The following WDR90 variants were observed in gnomAD, a reference collection of about 807,000 sequenced individuals.
WDR90 encodes the protein WD repeat-containing protein 90.
A neutral mutation model predicts 195.2 loss-of-function variants in WDR90; 238 were observed. The ratio of observed to expected loss-of-function variants is 1.22; its 90% CI spans 1.10 to 1.36. The LOEUF (loss-of-function observed/expected upper bound fraction) is 1.36, where lower values mean the gene tolerates loss of function less well. Among genes scored for constraint, WDR90 ranks in the 40% most tolerant of loss-of-function variants. WDR90 has a pLI of 0.00. For synonymous variants in WDR90, 1,265 were observed against 1,052.4 expected (o/e 1.20, Z -3.91); for missense variants, 2,734 against 2,439.5 (o/e 1.12, Z -2.54).
At position 651,273 on chromosome 16, in the gene WDR90, C is replaced by T; in HGVS notation, c.736+7C>T. On this transcript the variant is annotated splice_region_variant and intron_variant, in intron 7 of 40. Transcript: ENST00000293879. The stretch of plus-strand genomic sequence containing the variant: ...TGTTCCCCTCCTGAGGCAGGTGGGT[C>T]TGGGGGGTCAGCGGGGACCCAGGTT... 1.2e-6 allele frequency: 2 copies of T among 1,612,866 alleles called. No homozygotes were observed. The highest frequency in any genetic ancestry group is 2.2e-5 in the South Asian group (2 of 91,062).
intron 9 of WDR90, 110 bp downstream of exon 9, chr16:652,149 T>G: frequency 7.8e-7 from 1 of 1,287,094 alleles, no homozygotes; most frequent in South Asian, 1.4e-5. Context: ...GGTCTCCTCT[T>G]GTTCAGCCTC....
Position 662,236 on chromosome 16 carries a change from G to T in WDR90, c.4050G>T (p.Ser1350=). The T allele has an allele frequency of 1.3e-6, 2 of 1,575,392 alleles. No homozygotes were observed. Among genetic ancestry groups the T allele is most frequent in the Non-Finnish European group, 8.6e-7 (1 of 1,161,718 alleles). ...DDGGIGLLLF[S]GSRLVSGSST... ...TGCCCCTAGGGCTGTTGCTGTTCTC[G>T]GGTTCTCGATTGGTCAGCGGCAGCA... Residue 1350 remains serine, a synonymous_variant, in exon 33 of 41, where the codon TCG becomes TCT. Transcript: ENST00000293879.
At position 666,654 on chromosome 16, in the gene WDR90, G is replaced by A; in HGVS notation, c.4885-19G>A. ...GCCGGTACCCATCCACCCCACCGCA[G>A]CATGCTGCGCCTTTGCAGACTCAGG... is the stretch of plus-strand genomic sequence containing the variant. On this transcript the variant is annotated intron_variant, in intron 38 of 40. Coordinates refer to ENST00000293879, the MANE Select transcript of WDR90 (RefSeq NM_145294.5). 6.2e-7 allele frequency: 1 copy of A among 1,612,132 alleles called. No individual in the cohort carries two copies. Among genetic ancestry groups the A allele is most frequent in the Non-Finnish European group, 8.5e-7 (1 of 1,179,546 alleles).
Position 655,022 on chromosome 16 carries a change from G to A in WDR90, c.1438-7G>A, listed in dbSNP as rs1275410143. ...TGCCGTGCGGGCTCAGCCTGGGCTT[G>A]TTGCAGATGGTGGTGGCCTGGGGCA... On this transcript the variant is annotated splice_region_variant and splice_polypyrimidine_tract_variant and intron_variant, in intron 13 of 40. Transcript: ENST00000293879. The A allele has an allele frequency of 2.5e-6, 4 of 1,612,018 alleles. No homozygotes were observed. Among genetic ancestry groups the A allele is most frequent in the Middle Eastern group, 1.6e-4 (1 of 6,082 alleles).
chr16:660,332 C>T (rs927644474), intron 27 of WDR90, among the ~76,000 whole-genome samples, 171 bp downstream of exon 27: 7 of 152,218 alleles, frequency 4.6e-5, no homozygotes, highest in African/African-American at 1.7e-4. Context: ...CCCCTGCCCT[C>T]CGCTGGCCTC....
Position 662,795 on chromosome 16 carries a change from G to T in WDR90, c.4262G>T (p.Ser1421Ile). ...ACGGCGGGCACGCTGTGGTTTGTCA[G>T]CTGGGCCGAGGGCACCAGCACACGT... Reference protein sequence around the residue: ...GTTAGTLWFVSWAEGTSTRLI... With the variant: ...GTTAGTLWFVIWAEGTSTRLI... Residue 1421 changes from serine (S) to isoleucine (I), a missense_variant, in exon 34 of 41, where the codon AGC becomes ATC. Coordinates refer to ENST00000293879, the MANE Select transcript of WDR90 (RefSeq NM_145294.5). 6.2e-7 allele frequency: 1 copy of T among 1,601,926 alleles called. No homozygotes were observed. The highest frequency in any genetic ancestry group is 8.5e-7 in the Non-Finnish European group (1 of 1,174,950).
intron 34 of WDR90, 49 bp downstream of exon 34, chr16:662,893 C>A: frequency 6.5e-7 from 1 of 1,534,788 alleles, no homozygotes; most frequent in South Asian, 1.2e-5. Flanking sequence ...AACCTGGTGC[C>A]CTCCCTGCCT....
At chr16:656,271 C>G (rs1267724690) in intron 17 of WDR90, 31 bp from the exon 18 acceptor site, 2 of 1,581,984 alleles carry the variant, frequency 1.3e-6, no homozygotes, top group Non-Finnish European at 1.7e-6. Context: ...CGGGGTGGCC[C>G]TGGAGGCCCC....
In WDR90 at chr16:666,339, A is replaced by C; in HGVS notation, c.4729A>C (p.Thr1577Pro). The C allele has an allele frequency of 6.2e-7, 1 of 1,612,710 alleles. No individual in the cohort carries two copies. The highest frequency in any genetic ancestry group is 1.3e-5 in the African/African-American group (1 of 75,056). The change falls in exon 37 of 41, where the codon ACG (threonine) becomes CCG (proline). Residue 1577 changes from threonine (T) to proline (P), a missense_variant. Physicochemically the swap from Thr to Pro is conservative, Grantham distance 38. Coordinates refer to ENST00000293879, the MANE Select transcript of WDR90 (RefSeq NM_145294.5). ...CGCCCCAATCTCTACCATCTGTGTCACGTGCAAAGAGGTAAAGCAGCCCCA... is the reference window on the plus strand; with the variant it reads ...CGCCCCAATCTCTACCATCTGTGTCCCGTGCAAAGAGGTAAAGCAGCCCCA... ...QGAPISTICV[T>P]CKECEDLGVE...
chr16:649,249 G>T (rs1220196881), upstream of WDR90: 2 of 737,766 alleles, frequency 2.7e-6, no homozygotes, highest in African/African-American at 1.9e-5. Context: ...GGCCGCTGAC[G>T]TGAGCGGGGT....
Position 662,763 on chromosome 16 carries a change from G to A in WDR90, c.4230G>A (p.Val1410=), listed in dbSNP as rs1363099275. ...ATGACAGCGTGGACATGGGCGTCGT[G>A]GGCACCACGGCGGGCACGCTGTGGT... ...SFDDSVDMGV[V]GTTAGTLWFV... The change falls in exon 34 of 41, where the codon GTG becomes GTA. Residue 1410 remains valine, a synonymous_variant. Coordinates refer to ENST00000293879, the MANE Select transcript of WDR90 (RefSeq NM_145294.5). 1 of 1,607,616 alleles carries A rather than the reference G, an allele frequency of 6.2e-7. No individual in the cohort carries two copies. The highest frequency in any genetic ancestry group is 1.3e-5 in the African/African-American group (1 of 75,002).
Position 662,085 on chromosome 16 carries a change from G to T in WDR90, c.4033+26G>T, listed in dbSNP as rs116025477. 7,296 of 1,593,814 alleles carry T rather than the reference G, an allele frequency of 4.6e-3. 280 individuals are homozygous for T. The African/African-American group carries it at 0.085, about 19-fold the overall frequency. ...GTGAGTGCCCCGCAGAAGCCCTGTG[G>T]CCCTCAGGACCCCTACCTGGGATCC... On this transcript the variant is annotated intron_variant, in intron 32 of 40. Coordinates refer to ENST00000293879, the MANE Select transcript of WDR90 (RefSeq NM_145294.5).
Position 651,252 on chromosome 16 carries a change from C to T in WDR90, c.722C>T (p.Ser241Phe). Residue 241 changes from serine (S) to phenylalanine (F), a missense_variant, in exon 7 of 41, where the codon TCC (serine) becomes TTC (phenylalanine). Physicochemically the swap from Ser to Phe is radical, Grantham distance 155 (BLOSUM62 -2). Transcript: ENST00000293879. The part of the protein sequence containing the change: ...VPSKPIEKSC[S>F]PPEAVLLGPG... The stretch of plus-strand genomic sequence containing the variant: ...TCCAAGCCGATTGAGAAGAGCTGTT[C>T]CCCTCCTGAGGCAGGTGGGTCTGGG... 2 of 1,613,104 alleles carry T rather than the reference C, an allele frequency of 1.2e-6. No homozygotes were observed. Among genetic ancestry groups the T allele is most frequent in the South Asian group, 2.2e-5 (2 of 91,064 alleles).
Position 662,307 on chromosome 16 carries a change from T to C in WDR90, c.4121T>C (p.Leu1374Pro), listed in dbSNP as rs1393061574. 5 of 1,573,444 alleles carry C rather than the reference T, an allele frequency of 3.2e-6. No individual in the cohort carries two copies. Among genetic ancestry groups the C allele is most frequent in the African/African-American group, 1.3e-5 (1 of 74,248 alleles). ...RLWAVGAVSE[L>P]RCKGSGASSV... ...TGGGCCGTGGGGGCTGTGTCGGAGC[T>C]GAGGTGCAAGGGCTCAGGCGCCAGG... Residue 1374 changes from leucine to proline, a missense_variant, in exon 33 of 41, where the codon CTG (leucine) becomes CCG (proline). Coordinates refer to ENST00000293879, the MANE Select transcript of WDR90 (RefSeq NM_145294.5).
At chr16:667,357 G>A in intron 40 of WDR90, 75 bp from the exon 41 acceptor site, 4 of 1,532,342 alleles carry the variant, frequency 2.6e-6, no homozygotes, top group South Asian at 2.5e-5. Context: ...AGTGGGGACA[G>A]TCTGGGTGGG....
Position 657,127 on chromosome 16 carries a change from C to T in WDR90, c.2379C>T (p.Thr793=). The T allele has an allele frequency of 6.3e-7, 1 of 1,583,894 alleles. No individual in the cohort carries two copies. The highest frequency in any genetic ancestry group is 1.1e-5 in the South Asian group (1 of 87,040). The change falls in exon 20 of 41, where the codon ACC becomes ACT. Residue 793 remains threonine (T), a synonymous_variant. Transcript: ENST00000293879. ...GAGCTGTCACCGGCCTGACCGCCAC[C>T]CCTGACGGCCGCCTGCTCTTCAGCT... ...HRGAVTGLTA[T]PDGRLLFSSC...
rs767400723 is a variant in WDR90, at chr16:655,123, G to A, written c.1532G>A (p.Arg511Gln). 3.7e-6 allele frequency: 6 copies of A among 1,612,674 alleles called. No individual in the cohort carries two copies. The highest frequency in any genetic ancestry group is 3.3e-5 in the Admixed American group (2 of 60,002). The change falls in exon 14 of 41, where the codon CGG (arginine) becomes CAG (glutamine). Residue 511 changes from arginine to glutamine, a missense_variant. Arg to Gln is a conservative substitution (Grantham distance 43). Coordinates refer to ENST00000293879, the MANE Select transcript of WDR90 (RefSeq NM_145294.5). ...AHTDFDVQAF[R>Q]VTFFDETRMA... The stretch of plus-strand genomic sequence containing the variant: ...ACTGACTTTGACGTCCAGGCCTTCC[G>A]GGTCACCTTTTTTGATGAAACCAGG...
chr16:659,276 G>A lies in WDR90; in HGVS notation c.3084G>A (p.Ala1028=), dbSNP rs1045790876. Residue 1028 remains alanine, a synonymous_variant, in exon 26 of 41, where the codon GCG becomes GCA. Coordinates refer to ENST00000293879, the MANE Select transcript of WDR90 (RefSeq NM_145294.5). ...GPGAGPLEDA[A]SRASELPRQQ... is the part of the protein sequence containing the mutation. ...GCGCAGGACCGCTGGAGGACGCAGC[G>A]TCCAGGGCCAGCGAGCTCCCCCGGC... 19 of 1,609,252 alleles carry A rather than the reference G, an allele frequency of 1.2e-5. No homozygotes were observed. The highest frequency in any genetic ancestry group is 6.7e-5 in the East Asian group (3 of 44,668).
intron 28 of WDR90, 51 bp from the exon 29 acceptor site, chr16:660,997 CCCG>C: frequency 3.5e-5 from 3 of 86,094 alleles, no homozygotes; most frequent in Non-Finnish European, 3.5e-5. Flanking sequence ...CAGGCCCCTC[CCCG>C]CCCCCCCCCC....
Sources: gnomAD v4.1 joint callset for allele counts (sites outside exome capture counted in the v4.1 genomes callset) on GRCh38, gnomAD v4.1.1 for gene constraint, MANE v1.5 for transcripts, NCBI Gene and HGNC (gene_info 2026-07-23, HGNC 2026-07-21) for gene names.